SPON1: variants seen among roughly 807,000 people sequenced by gnomAD.
The protein encoded by SPON1 is spondin-1.
A neutral mutation model predicts 111.7 loss-of-function variants in SPON1; 52 were observed. The observed-to-expected ratio is 0.47, with a 90% CI of 0.37 to 0.59. The LOEUF is 0.59. Ranked by LOEUF, SPON1 falls within the 20% of genes least tolerant of loss-of-function variation. The pLI is 0.00. For missense variants in SPON1, 957 were observed against 1,068.5 expected (o/e 0.90, Z 1.46); for synonymous variants, 410 against 395.8 (o/e 1.04, Z -0.43).
At chr11:14,188,281 G>T (rs1000041105) in intron 6 of SPON1, among the ~76,000 whole-genome samples, 3 of 152,026 alleles carry the variant, frequency 2.0e-5, no homozygotes, top group Non-Finnish European at 2.9e-5. Flanking sequence ...TTTTAAGATG[G>T]TTATAAACAT....
At chr11:14,196,694 T>C (rs562621231) in intron 6 of SPON1, among the ~76,000 whole-genome samples, 2 of 152,340 alleles carry the variant, frequency 1.3e-5, no homozygotes, top group East Asian at 1.9e-4. Context: ...GTTTCAGGAA[T>C]GTGTTTTTTT....
At chr11:14,234,621 T>A (rs1371220491) in intron 6 of SPON1, among the ~76,000 whole-genome samples, 5 of 152,160 alleles carry the variant, frequency 3.3e-5, no homozygotes, top group African/African-American at 9.7e-5. Flanking sequence ...ATGTGAGTCC[T>A]CAGAGCTCCC....
Position 13,963,301 on chromosome 11 carries a change from C to A in SPON1, c.238+159C>A, listed in dbSNP as rs536340040. 2.6e-5 allele frequency among the ~76,000 whole-genome samples: 4 copies of A among 152,260 alleles called. No individual in the cohort carries two copies. In the South Asian group the frequency reaches 8.3e-4, roughly 32 times the overall value. ...CCTGGCTGCCCTCGGCCCTTGCAGT[C>A]GCGAGCTCGGCGCGGATCATAATCC... On this transcript the variant is annotated intron_variant, in intron 1 of 15. Coordinates refer to ENST00000576479, the MANE Select transcript of SPON1 (RefSeq NM_006108.4).
intron 6 of SPON1, among the ~76,000 whole-genome samples, chr11:14,171,376 G>A (rs1394587256): frequency 6.6e-6 from 1 of 151,932 alleles, no homozygotes; most frequent in Admixed American, 6.6e-5. Flanking sequence ...CTATTTGATT[G>A]TTCTCTCTTT....
At chr11:14,067,663 G>A (rs1848843337) in intron 3 of SPON1, among the ~76,000 whole-genome samples, 2 of 152,182 alleles carry the variant, frequency 1.3e-5, no homozygotes, top group African/African-American at 2.4e-5. Flanking sequence ...TACAGACTTA[G>A]TCTCTTCCAT....
At chr11:14,036,606 A>G (rs1284767170) in intron 2 of SPON1, among the ~76,000 whole-genome samples, 1 of 152,258 alleles carries the variant, frequency 6.6e-6, no homozygotes, top group African/African-American at 2.4e-5. Context: ...CCTGGAACTC[A>G]GAGAAGCAGC....
chr11:14,258,565 A>T (rs1849136308), intron 11 of SPON1, among the ~76,000 whole-genome samples: 1 of 152,208 alleles, frequency 6.6e-6, no homozygotes, highest in Non-Finnish European at 1.5e-5. Context: ...CCATAAGGCA[A>T]TGGGAAGGCA....
chr11:14,259,302 C>T lies in SPON1; in HGVS notation c.1515C>T (p.Ser505=). The change falls in exon 12 of 16, where the codon TCC becomes TCT. Residue 505 remains serine (S), a synonymous_variant. Transcript: ENST00000576479. This position sits in a 1 kb window ranked among gnomAD's most constrained non-coding sequence, Gnocchi z 5.0. ...SDEDGSTCTM[S]EWITWSPCSI... ...CAGACGGCTCCACCTGCACCATGTC[C>T]GAGTGGATCACCTGGTCGCCCTGCA... 6.2e-7 allele frequency: 1 copy of T among 1,612,616 alleles called. No homozygotes were observed. Among genetic ancestry groups the T allele is most frequent in the Admixed American group, 1.7e-5 (1 of 59,900 alleles).
intron 2 of SPON1, among the ~76,000 whole-genome samples, chr11:14,025,211 C>G (rs1354144945): frequency 6.6e-6 from 1 of 152,244 alleles, no homozygotes; most frequent in Non-Finnish European, 1.5e-5. Flanking sequence ...AGCTTACATT[C>G]TCATTCCTCC....
At position 14,026,264 on chromosome 11, in the gene SPON1, T is replaced by C. The variant is rs556642662; in HGVS notation, c.346-15257T>C. Among the ~76,000 whole-genome samples the C allele has an allele frequency of 2.6e-5, 4 of 152,382 alleles. No individual in the cohort carries two copies. In the East Asian group the frequency reaches 7.7e-4, roughly 29 times the overall value. On this transcript the variant is annotated intron_variant, in intron 2 of 15. Transcript: ENST00000576479. ...AAGTAAGTGCTCAGTACCCACCAGC[T>C]GATAACCACATTGGATGTGTTTGAC...
chr11:14,021,063 A>C (rs935696674), intron 2 of SPON1, among the ~76,000 whole-genome samples: 50 of 152,214 alleles, frequency 3.3e-4, no homozygotes, highest in African/African-American at 1.2e-3. Flanking sequence ...GAATATCACG[A>C]TATAATGATC....
intron 7 of SPON1, among the ~76,000 whole-genome samples, chr11:14,248,960 C>T (rs1241821424): frequency 6.6e-6 from 1 of 152,226 alleles, no homozygotes; most frequent in African/African-American, 2.4e-5. Flanking sequence ...AACCCACATC[C>T]TTTCCTAGTT....
intron 6 of SPON1, among the ~76,000 whole-genome samples, chr11:14,172,843 A>C (rs1208160181): frequency 5.9e-5 from 9 of 151,858 alleles, no homozygotes; most frequent in South Asian, 4.2e-4. Flanking sequence ...TGGCTTGTAG[A>C]GTTTCTGCCA....
intron 6 of SPON1, among the ~76,000 whole-genome samples, chr11:14,210,184 G>A (rs1177094066): frequency 6.6e-6 from 1 of 152,118 alleles, no homozygotes; most frequent in East Asian, 1.9e-4. Flanking sequence ...TGGATAGATT[G>A]CAAAAATTCT....
At chr11:14,007,684 GGA>G (rs1199032918) in intron 2 of SPON1, among the ~76,000 whole-genome samples, 34 of 152,322 alleles carry the variant, frequency 2.2e-4, no homozygotes, top group African/African-American at 7.7e-4. Context: ...AACCATCACA[GGA>G]GGTGAAGCTC....
At chr11:14,153,619 A>G (rs1554930111) in intron 6 of SPON1, among the ~76,000 whole-genome samples, 1 of 152,134 alleles carries the variant, frequency 6.6e-6, no homozygotes. Context: ...ACAGAGCCAA[A>G]CCATATCATT....
chr11:14,263,336 G>A (rs1003593798), intron 15 of SPON1, among the ~76,000 whole-genome samples: 1 of 152,142 alleles, frequency 6.6e-6, no homozygotes, highest in Non-Finnish European at 1.5e-5. Flanking sequence ...TTATGACTTA[G>A]CAACACCATT....
chr11:14,208,061 G>A (rs191602047), intron 6 of SPON1, among the ~76,000 whole-genome samples: 1 of 152,174 alleles, frequency 6.6e-6, no homozygotes, highest in South Asian at 2.1e-4. Flanking sequence ...CAGGGACATG[G>A]ATGGAGCTGG....
chr11:14,060,645 T>G (rs1208377287), intron 3 of SPON1, among the ~76,000 whole-genome samples: 1 of 152,206 alleles, frequency 6.6e-6, no homozygotes, highest in African/African-American at 2.4e-5. Context: ...AATTCTGATC[T>G]CATCTGTCTG....
Sources: gnomAD v4.1 joint callset for allele counts (sites outside exome capture counted in the v4.1 genomes callset) on GRCh38, gnomAD v4.1.1 for gene constraint, Gnocchi (gnomAD v3.1) non-coding constraint, MANE v1.5 for transcripts, NCBI Gene and HGNC (gene_info 2026-07-23, HGNC 2026-07-21) for gene names.